SETDB1: variants seen among roughly 807,000 people sequenced by gnomAD.
The protein encoded by SETDB1 is SET domain bifurcated histone lysine methyltransferase 1.
Under a neutral mutation model 137.4 loss-of-function variants are expected in SETDB1, and 31 were observed. The ratio of observed to expected loss-of-function variants is 0.23; its 90% CI spans 0.17 to 0.30. The LOEUF (loss-of-function observed/expected upper bound fraction) is 0.30, where lower values mean the gene tolerates loss of function less well. Among genes scored for constraint, SETDB1 ranks in the 10% least tolerant of loss-of-function variants. The pLI, the probability that SETDB1 is intolerant of heterozygous loss-of-function variation, is 1.00. For synonymous variants in SETDB1, 548 were observed against 579.9 expected, an observed-to-expected ratio of 0.95 and a Z score of 0.79; for missense variants, 1,113 against 1,631.5, an observed-to-expected ratio of 0.68 and a Z score of 5.47.
In SETDB1 at chr1:150,949,512, A is replaced by C; in HGVS notation, c.1570A>C (p.Asn524His). Reference protein sequence around the residue: ...ENVSGGKPGINQTYRSPLGST... With the variant: ...ENVSGGKPGIHQTYRSPLGST... ...TGTCTCTGGTGGGAAACCTGGGATC[A>C]ACCAGACATATAGGTGAGAAAATCT... The change falls in exon 12 of 22, where the codon AAC becomes CAC. Residue 524 changes from asparagine (N) to histidine (H), a missense_variant. By Grantham distance (68) the Asn-to-His change is moderately conservative. Coordinates refer to ENST00000692827, the MANE Select transcript of SETDB1 (RefSeq NM_001366418.1). The C allele has an allele frequency of 6.2e-7, 1 of 1,614,158 alleles. No individual in the cohort carries two copies. Among genetic ancestry groups the C allele is most frequent in the Non-Finnish European group, 8.5e-7 (1 of 1,180,024 alleles).
intron 7 of SETDB1, 60 bp downstream of exon 7, chr1:150,943,113 G>C (rs146250339): frequency 2.0e-5 from 25 of 1,224,800 alleles, no homozygotes; most frequent in Non-Finnish European, 2.8e-5. Flanking sequence ...TGCCCTGTTC[G>C]TGCCATAGAC....
chr1:150,940,102 T>A, intron 4 of SETDB1, 128 bp downstream of exon 4: 1 of 591,890 alleles, frequency 1.7e-6, no homozygotes. Flanking sequence ...CCCTTTGCGT[T>A]GCAGTCCTCT....
chr1:150,934,822 A>G (rs1410852952), intron 3 of SETDB1, among the ~76,000 whole-genome samples: 1 of 150,896 alleles, frequency 6.6e-6, no homozygotes, highest in African/African-American at 2.4e-5. Flanking sequence ...CAGGATATAG[A>G]ATTTTTTTTT....
rs774662218 is a variant in SETDB1, at chr1:150,941,307, T to C, written c.448-22T>C. 6 of 1,486,424 alleles carry C rather than the reference T, an allele frequency of 4.0e-6. No individual in the cohort carries two copies. In the African/African-American group the frequency reaches 8.3e-5, roughly 21 times the overall value. The allele number at this position is 1,486,424 out of a possible 1,614,324, so 92.1% of individuals were successfully genotyped here. ...CCATGCTACTGTTTCAAAACTTGTT[T>C]TCCTCATCCCCTTTTCTACAGCTCC... On this transcript the variant is annotated intron_variant, in intron 4 of 21. Coordinates refer to ENST00000692827, the MANE Select transcript of SETDB1 (RefSeq NM_001366418.1).
At chr1:150,953,695 T>C (rs1417139952) in intron 14 of SETDB1, among the ~76,000 whole-genome samples, 2 of 151,496 alleles carry the variant, frequency 1.3e-5, no homozygotes, top group Non-Finnish European at 2.9e-5. Context: ...CAGGCGTGAT[T>C]GTGCACGCCT....
At chr1:150,961,744 G>C in intron 16 of SETDB1, 1 of 207,120 alleles carries the variant, frequency 4.8e-6, no homozygotes, top group East Asian at 1.1e-4. Context: ...ATTTATAAGT[G>C]ATTTTTTAAT....
rs587710820 is a variant in SETDB1, at chr1:150,947,837, A to AT, written c.1267+830dup. On this transcript the variant is annotated intron_variant, in intron 10 of 21. Coordinates refer to ENST00000692827, the MANE Select transcript of SETDB1 (RefSeq NM_001366418.1). ...ATATTACTGTCATACTTTCTGGTTG[A>AT]TTTTTCCTGCCAAAATTAGTTGGTT... Among the ~76,000 whole-genome samples the AT allele has an allele frequency of 2.8e-4, 42 of 152,188 alleles. No individual in the cohort carries two copies. The East Asian group carries it at 7.9e-3, about 29-fold the overall frequency.
At chr1:150,953,893 C>T (rs776692316) in intron 14 of SETDB1, among the ~76,000 whole-genome samples, 9 of 150,770 alleles carry the variant, frequency 6.0e-5, no homozygotes, top group African/African-American at 1.2e-4. Flanking sequence ...CTTGCTCTGT[C>T]GCCCAGGCTG....
At chr1:150,957,674 C>T (rs1196518821) in intron 14 of SETDB1, among the ~76,000 whole-genome samples, 1 of 152,156 alleles carries the variant, frequency 6.6e-6, no homozygotes, top group Non-Finnish European at 1.5e-5. Flanking sequence ...CCTCTGATTA[C>T]CTTTAATGGT....
chr1:150,943,603 G>C (rs1044122925), intron 7 of SETDB1, among the ~76,000 whole-genome samples: 1 of 152,170 alleles, frequency 6.6e-6, no homozygotes, highest in Non-Finnish European at 1.5e-5. Context: ...TTGAACCTGG[G>C]AGGCAGTGGT....
In SETDB1 at chr1:150,951,108, A is replaced by G. The variant is rs199791292; in HGVS notation, c.2216+18A>G. Reference sequence around the variant, plus strand: ...CGGGACAAGTGAGTTGGTGGGGGGAATTGCTGCCCCTGCTTCCAACTTTGT... The same window carrying G: ...CGGGACAAGTGAGTTGGTGGGGGGAGTTGCTGCCCCTGCTTCCAACTTTGT... On this transcript the variant is annotated intron_variant, in intron 13 of 21. Transcript: ENST00000692827. The G allele has an allele frequency of 3.6e-5, 58 of 1,593,456 alleles. No individual in the cohort carries two copies. The highest frequency in any genetic ancestry group is 4.9e-5 in the Non-Finnish European group (57 of 1,167,624).
At chr1:150,937,661 A>G (rs1669988413) in intron 3 of SETDB1, among the ~76,000 whole-genome samples, 1 of 152,226 alleles carries the variant, frequency 6.6e-6, no homozygotes, top group South Asian at 2.1e-4. Flanking sequence ...ATGGAAATAT[A>G]AAATGCTATA....
chr1:150,964,316 G>GCTA lies in SETDB1; in HGVS notation c.3834_3836dup (p.Leu1279dup). On this transcript the variant is annotated inframe_insertion, in exon 22 of 22. Coordinates refer to ENST00000692827, the MANE Select transcript of SETDB1 (RefSeq NM_001366418.1). The stretch of plus-strand genomic sequence containing the variant: ...AGGTGGGCAGTGTGGAAGGCAAGGA[G>GCTA]CTACTCTGTTGCTGTGGGGCCATTG... The GCTA allele has an allele frequency of 6.2e-7, 1 of 1,614,170 alleles. No individual in the cohort carries two copies. The highest frequency in any genetic ancestry group is 8.5e-7 in the Non-Finnish European group (1 of 1,180,016).
rs587608103 is a variant in SETDB1, at chr1:150,959,094, A to G, written c.2334-84A>G. On this transcript the variant is annotated intron_variant, in intron 14 of 21. Transcript: ENST00000692827. Reference sequence around the variant, plus strand: ...TCCACAACACATTATAAATGATGATAGCTTAAGAATTATAATAGTTTTATG... The same window carrying G: ...TCCACAACACATTATAAATGATGATGGCTTAAGAATTATAATAGTTTTATG... 4.1e-5 allele frequency: 39 copies of G among 947,960 alleles called. 1 individual carries two copies. The South Asian group carries it at 7.9e-4, about 19-fold the overall frequency. The allele number at this position is 947,960 out of a possible 1,614,324, so 58.7% of individuals were successfully genotyped here.
chr1:150,933,368 CTTT>C (rs71090112), intron 3 of SETDB1, among the ~76,000 whole-genome samples: 6 of 118,844 alleles, frequency 5.0e-5, no homozygotes, highest in Admixed American at 2.0e-4. Flanking sequence ...CCTATTTTGT[CTTT>C]TTTTTTTTTT....
intron 19 of SETDB1, 68 bp from the exon 20 acceptor site, chr1:150,963,462 T>A: frequency 8.0e-7 from 1 of 1,249,056 alleles, no homozygotes; most frequent in East Asian, 2.3e-5. Flanking sequence ...GGGTAGAATG[T>A]CCATTCATGA....
At chr1:150,957,501 TTGA>T (rs1245015893) in intron 14 of SETDB1, among the ~76,000 whole-genome samples, 1 of 152,208 alleles carries the variant, frequency 6.6e-6, no homozygotes, top group Admixed American at 6.5e-5. Flanking sequence ...AACTGAGCTG[TTGA>T]TACATTTCCA....
intron 9 of SETDB1, among the ~76,000 whole-genome samples, chr1:150,946,075 A>G (rs902231702): frequency 3.3e-5 from 5 of 151,990 alleles, no homozygotes; most frequent in South Asian, 4.2e-4. Context: ...GCTGGAGTGC[A>G]GTGGTGCAAT....
At chr1:150,952,335 C>CA (rs888179707) in intron 14 of SETDB1, among the ~76,000 whole-genome samples, 3 of 152,000 alleles carry the variant, frequency 2.0e-5, no homozygotes, top group African/African-American at 7.3e-5. Flanking sequence ...CAGAGAGAGA[C>CA]ATTGTTGCAG....
Sources: gnomAD v4.1 joint callset for allele counts (sites outside exome capture counted in the v4.1 genomes callset) on GRCh38, gnomAD v4.1.1 for gene constraint, MANE v1.5 for transcripts, NCBI Gene and HGNC (gene_info 2026-07-23, HGNC 2026-07-21) for gene names.